Variants in ZNF619 observed in about 807,000 individuals in gnomAD.
ZNF619 encodes zinc finger protein 619.
ZNF619 carries 9 observed loss-of-function variants against 14.2 expected under a neutral mutation model. The ratio of observed to expected loss-of-function variants is 0.64; its 90% CI spans 0.38 to 1.11. ZNF619 has a LOEUF of 1.11. Ranked by LOEUF, ZNF619 falls within the 50% of genes least tolerant of loss-of-function variation. The pLI is 0.01. For synonymous variants in ZNF619, 246 were observed against 252.8 expected, an observed-to-expected ratio of 0.97 and a Z score of 0.26; for missense variants, 659 against 680.1, an observed-to-expected ratio of 0.97 and a Z score of 0.34.
intron 3 of ZNF619, 77 bp downstream of exon 3, chr3:40,482,093 C>A: frequency 6.5e-7 from 1 of 1,545,700 alleles, no homozygotes; most frequent in Non-Finnish European, 8.7e-7. Context: ...GAACTAGGAT[C>A]TCTTTAATAC....
Position 40,481,852 on chromosome 3 carries a change from TTC to T in ZNF619, c.25-9_25-8del. On this transcript the variant is annotated splice_polypyrimidine_tract_variant and intron_variant, in intron 2 of 4. Transcript: ENST00000432264. ...CCTGGAATTCAGGCCTCTCCCTCTG[TTC>T]TTGTGCAGGGCTTGGGCAGGAACCT... 1 of 1,595,556 alleles carries T rather than the reference TTC, an allele frequency of 6.3e-7. No individual in the cohort carries two copies. Among genetic ancestry groups the T allele is most frequent in the Middle Eastern group, 1.7e-4 (1 of 5,902 alleles).
At chr3:40,481,724 G>A in intron 2 of ZNF619, 139 bp from the exon 3 acceptor site, 1 of 1,082,364 alleles carries the variant, frequency 9.2e-7, no homozygotes, top group South Asian at 1.7e-5. Flanking sequence ...AAGTTGGAAT[G>A]CTGGCTCGGG....
At chr3:40,481,625 G>A (rs1270650369) in intron 2 of ZNF619, among the ~76,000 whole-genome samples, 2 of 152,152 alleles carry the variant, frequency 1.3e-5, no homozygotes, top group East Asian at 3.8e-4. Flanking sequence ...ACCAGACATG[G>A]GTTGACATGA....
At position 40,482,191 on chromosome 3, in the gene ZNF619, G is replaced by A. The variant is rs549404573; in HGVS notation, c.178+175G>A. On this transcript the variant is annotated intron_variant, in intron 3 of 4. Transcript: ENST00000432264. ...GAGAAAGAGCTCGGTTCACTTTGGT[G>A]TTTAACAGGACTTTTCTCTTCCCTG... 5.8e-6 allele frequency: 9 copies of A among 1,549,756 alleles called. No individual in the cohort carries two copies. The African/African-American group carries it at 1.1e-4, about 19-fold the overall frequency.
intron 3 of ZNF619, 107 bp from the exon 4 acceptor site, chr3:40,482,481 T>C (rs1697437999): frequency 1.3e-6 from 2 of 1,551,234 alleles, no homozygotes; most frequent in Admixed American, 3.3e-5. Flanking sequence ...CTTCACTTAG[T>C]CTCCTGGGCC....
chr3:40,491,013 C>T lies in ZNF619; in HGVS notation c.*2772C>T, dbSNP rs879442396. On this transcript the variant is annotated 3_prime_UTR_variant, in exon 5 of 5. Transcript: ENST00000432264. Reference sequence around the variant, plus strand: ...CGGCCCCTCCACAGTTCCCAGCCCTCGGAACCATGAGCTAAATAAACTTCT... The same window carrying T: ...CGGCCCCTCCACAGTTCCCAGCCCTTGGAACCATGAGCTAAATAAACTTCT... Among the ~76,000 whole-genome samples the T allele has an allele frequency of 6.6e-6, 1 of 152,088 alleles. No individual in the cohort carries two copies. Among genetic ancestry groups the T allele is most frequent in the Non-Finnish European group, 1.5e-5 (1 of 68,024 alleles).
intron 3 of ZNF619, 99 bp downstream of exon 3, chr3:40,482,115 A>G: frequency 6.5e-7 from 1 of 1,547,548 alleles, no homozygotes; most frequent in East Asian, 2.3e-5. Flanking sequence ...ATCAGAATTG[A>G]TGCCCTATGG....
Position 40,488,900 on chromosome 3 carries a change from T to G in ZNF619, c.*659T>G, listed in dbSNP as rs1697727990. On this transcript the variant is annotated 3_prime_UTR_variant, in exon 5 of 5. Coordinates refer to ENST00000432264, the MANE Select transcript of ZNF619 (RefSeq NM_001145093.4). ...GTCTCAAAATCCTGACCTCAGGTGA[T>G]TCACCTGCCTCAGTCTCCCAAGTGC... The G allele has an allele frequency of 6.6e-6, 1 of 152,222 alleles. No homozygotes were observed. Among genetic ancestry groups the G allele is most frequent in the Non-Finnish European group, 1.5e-5 (1 of 68,106 alleles). The allele number at this position is 152,222 out of a possible 1,614,324, so 9.4% of individuals were successfully genotyped here. A position where few individuals can be genotyped will look rare whatever the true frequency, so the allele number is the denominator to read the frequency against.
chr3:40,487,554 G>C lies in ZNF619; in HGVS notation c.1044G>C (p.Glu348Asp). The C allele has an allele frequency of 1.2e-6, 2 of 1,613,902 alleles. No individual in the cohort carries two copies. Reference protein sequence around the residue: ...HNGEKPYECKECGKSLSSNSV... With the variant: ...HNGEKPYECKDCGKSLSSNSV... Reference sequence around the variant, plus strand: ...GGGAGAAGCCCTATGAATGTAAGGAGTGTGGGAAGAGTTTGAGTTCTAATT... The same window carrying C: ...GGGAGAAGCCCTATGAATGTAAGGACTGTGGGAAGAGTTTGAGTTCTAATT... Residue 348 changes from glutamate to aspartate, a missense_variant, in exon 5 of 5, where the codon GAG becomes GAC. By Grantham distance (45) the Glu-to-Asp change is conservative (BLOSUM62 2). Transcript: ENST00000432264.
At chr3:40,480,537 C>T (rs1437496634) in intron 2 of ZNF619, among the ~76,000 whole-genome samples, 3 of 138,176 alleles carry the variant, frequency 2.2e-5, no homozygotes, top group Non-Finnish European at 3.0e-5. Flanking sequence ...CTTGCTCTGT[C>T]GCCCAGGCTG....
Position 40,482,276 on chromosome 3 carries a change from G to T in ZNF619, c.178+260G>T. On this transcript the variant is annotated intron_variant, in intron 3 of 4. Transcript: ENST00000432264. ...CTCTGGATACAGAGAGAACTGAGAAGGTTCCTGGTGCACTGTCTTCATTCC... is the reference window on the plus strand; with the variant it reads ...CTCTGGATACAGAGAGAACTGAGAATGTTCCTGGTGCACTGTCTTCATTCC... 1.3e-6 allele frequency: 2 copies of T among 1,551,968 alleles called. No homozygotes were observed. The highest frequency in any genetic ancestry group is 1.7e-6 in the Non-Finnish European group (2 of 1,147,080).
chr3:40,484,965 TTC>T (rs1327596219), intron 4 of ZNF619, among the ~76,000 whole-genome samples: 1 of 152,218 alleles, frequency 6.6e-6, no homozygotes, highest in Non-Finnish European at 1.5e-5. Flanking sequence ...GCATTTCTTT[TTC>T]TTTTTTTTCA....
intron 2 of ZNF619, 148 bp from the exon 3 acceptor site, chr3:40,481,715 A>G (rs1697398399): frequency 1.0e-6 from 1 of 961,592 alleles, no homozygotes; most frequent in African/African-American, 1.7e-5. Flanking sequence ...GCACATGGAA[A>G]GTTGGAATGC....
chr3:40,481,286 G>A (rs1334016807), intron 2 of ZNF619, among the ~76,000 whole-genome samples: 1 of 152,220 alleles, frequency 6.6e-6, no homozygotes, highest in Non-Finnish European at 1.5e-5. Flanking sequence ...GATTTCTGCA[G>A]AAGGATGGGA....
chr3:40,488,488 CT>C lies in ZNF619; in HGVS notation c.*248del. On this transcript the variant is annotated 3_prime_UTR_variant, in exon 5 of 5. Coordinates refer to ENST00000432264, the MANE Select transcript of ZNF619 (RefSeq NM_001145093.4). ...TGTATTATCAGTCTGCATCTCTCTT[CT>C]GGGGCTACTGGAGTTGGAAGAGTTT... The C allele has an allele frequency of 2.1e-6, 1 of 466,398 alleles. No individual in the cohort carries two copies. Among genetic ancestry groups the C allele is most frequent in the Non-Finnish European group, 3.8e-6 (1 of 266,332 alleles). 28.9% of individuals were successfully genotyped at this position (466,398 alleles called of 1,614,324 possible). A position where few individuals can be genotyped will look rare whatever the true frequency, so the allele number is the denominator to read the frequency against.
chr3:40,488,392 G>A lies in ZNF619; in HGVS notation c.*151G>A. The A allele has an allele frequency of 1.7e-6, 1 of 586,348 alleles. No individual in the cohort carries two copies. The highest frequency in any genetic ancestry group is 3.0e-6 in the Non-Finnish European group (1 of 332,116). The allele number at this position is 586,348 out of a possible 1,614,324, so 36.3% of individuals were successfully genotyped here. On this transcript the variant is annotated 3_prime_UTR_variant, in exon 5 of 5. Coordinates refer to ENST00000432264, the MANE Select transcript of ZNF619 (RefSeq NM_001145093.4). ...TTAAATTCTCACGCTTAAGGACCAT[G>A]TTTGATTAGTTTCTTTTATCCCCCG...
chr3:40,478,814 ATGTGTGTGTCCTT>A (rs2125633642), intron 2 of ZNF619, among the ~76,000 whole-genome samples: 1 of 151,906 alleles, frequency 6.6e-6, no homozygotes, highest in East Asian at 1.9e-4. Flanking sequence ...CTTAAAAACA[ATGTGTGTGTCCTT>A]TTGGTGGATA....
At chr3:40,478,992 G>T (rs1169619278) in intron 2 of ZNF619, among the ~76,000 whole-genome samples, 1 of 152,172 alleles carries the variant, frequency 6.6e-6, no homozygotes, top group African/African-American at 2.4e-5. Context: ...CCAAATGACA[G>T]TGGATTAAAC....
At chr3:40,486,381 GTC>G (rs1198283732) in intron 4 of ZNF619, among the ~76,000 whole-genome samples, 4 of 152,246 alleles carry the variant, frequency 2.6e-5, no homozygotes, top group Middle Eastern at 6.8e-3. Context: ...AGATGGCTGT[GTC>G]TCTCTCAAAA....
Sources: gnomAD v4.1 joint callset for allele counts (sites outside exome capture counted in the v4.1 genomes callset) on GRCh38, gnomAD v4.1.1 for gene constraint, MANE v1.5 for transcripts, NCBI Gene and HGNC (gene_info 2026-07-23, HGNC 2026-07-21) for gene names.